Variants in ARHGEF6 observed in about 807,000 individuals in gnomAD.
The protein encoded by ARHGEF6 is Rac/Cdc42 guanine nucleotide exchange factor 6, also known as rho guanine nucleotide exchange factor 6.
A neutral mutation model predicts 70.3 loss-of-function variants in ARHGEF6; 9 were observed. The ratio of observed to expected loss-of-function variants is 0.13; its 90% confidence interval spans 0.08 to 0.22. The LOEUF is 0.22. Among genes scored for constraint, ARHGEF6 ranks in the 10% least tolerant of loss-of-function variants. ARHGEF6 has a pLI of 1.00. For synonymous variants in ARHGEF6, 201 were observed against 207.8 expected, an observed-to-expected ratio of 0.97 and a Z score of 0.28; for missense variants, 470 against 563.0, an observed-to-expected ratio of 0.83 and a Z score of 1.67.
intron 2 of ARHGEF6, 93 bp from the exon 3 acceptor site, chrX:136,747,685 A>T: frequency 7.5e-5 from 16 of 212,904 alleles, no homozygotes; most frequent in East Asian, 4.9e-4. Context: ...AGCTCTCCGG[A>T]AAAAAAAAAA....
At chrX:136,709,546 C>A (rs1034067421) in intron 7 of ARHGEF6, among the ~76,000 whole-genome samples, 8 of 113,039 alleles carry the variant, frequency 7.1e-5, no homozygotes, top group Non-Finnish European at 1.9e-5. Context: ...AGAGGTTAAG[C>A]AAATCATCCA....
chrX:136,769,995 T>C (rs2077352520), intron 2 of ARHGEF6, among the ~76,000 whole-genome samples: 1 of 112,547 alleles, frequency 8.9e-6, no homozygotes, highest in Admixed American at 9.4e-5. Flanking sequence ...ATCCATCAGT[T>C]TAGCAAACAT....
At chrX:136,687,488 T>A (rs977504985) in intron 11 of ARHGEF6, among the ~76,000 whole-genome samples, 9 of 112,064 alleles carry the variant, frequency 8.0e-5, no homozygotes, top group Admixed American at 2.8e-4. Context: ...GTTCTTTAGG[T>A]TTTTTCCCCC....
At chrX:136,684,693 C>T (rs932070370) in intron 12 of ARHGEF6, among the ~76,000 whole-genome samples, 4 of 111,234 alleles carry the variant, frequency 3.6e-5, no homozygotes, top group Admixed American at 2.9e-4. Context: ...TGGGACATCT[C>T]CACCCAGATA....
intron 7 of ARHGEF6, among the ~76,000 whole-genome samples, chrX:136,712,672 T>C (rs1420346495): frequency 8.9e-6 from 1 of 112,606 alleles, no homozygotes; most frequent in Non-Finnish European, 1.9e-5. Flanking sequence ...ACTACTTTTC[T>C]TTCATGAAAA....
chrX:136,722,877 CA>C (rs1193959013), intron 6 of ARHGEF6, among the ~76,000 whole-genome samples: 1 of 111,780 alleles, frequency 8.9e-6, no homozygotes, highest in African/African-American at 3.3e-5. Context: ...TAATAATAAC[CA>C]AAAAGTGGCA....
At chrX:136,713,215 G>T (rs2076704789) in intron 7 of ARHGEF6, 61 bp downstream of exon 7, 1 of 897,541 alleles carries the variant, frequency 1.1e-6, no homozygotes, top group South Asian at 2.0e-5. Context: ...TAAGAATAAT[G>T]ATTCCATATG....
chrX:136,761,906 T>A (rs1311104745), intron 2 of ARHGEF6, among the ~76,000 whole-genome samples: 2 of 110,809 alleles, frequency 1.8e-5, no homozygotes, highest in African/African-American at 6.6e-5. Flanking sequence ...CCCTTCCATT[T>A]TTTTTCTTTT....
chrX:136,682,241 A>G (rs958493385), intron 13 of ARHGEF6, among the ~76,000 whole-genome samples: 2 of 112,117 alleles, frequency 1.8e-5, no homozygotes, highest in East Asian at 2.7e-4. Flanking sequence ...AAGAATCAGT[A>G]AAAAAAAGTG....
chrX:136,744,397 A>T (rs1027753312), intron 4 of ARHGEF6, among the ~76,000 whole-genome samples: 1 of 112,066 alleles, frequency 8.9e-6, no homozygotes, highest in Non-Finnish European at 1.9e-5. Flanking sequence ...TTAATCTGTC[A>T]TGTATAAACT....
intron 5 of ARHGEF6, among the ~76,000 whole-genome samples, chrX:136,733,144 T>A (rs1031799744): frequency 8.2e-5 from 9 of 109,895 alleles, no homozygotes; most frequent in Non-Finnish European, 1.7e-4. Flanking sequence ...AAAAAAACAA[T>A]AAAAATATGA....
At chrX:136,730,895 G>A (rs999352066) in intron 6 of ARHGEF6, among the ~76,000 whole-genome samples, 2 of 111,459 alleles carry the variant, frequency 1.8e-5, no homozygotes, top group African/African-American at 6.5e-5. Context: ...GGCAGAGAGA[G>A]ATCCAAAGCA....
At chrX:136,780,153 T>G (rs890348863) in intron 1 of ARHGEF6, among the ~76,000 whole-genome samples, 1 of 112,146 alleles carries the variant, frequency 8.9e-6, no homozygotes, top group Non-Finnish European at 1.9e-5. Flanking sequence ...TTAAAGAGAG[T>G]AAAGTTAGTT....
At chrX:136,698,246 C>T (rs918495263) in intron 9 of ARHGEF6, among the ~76,000 whole-genome samples, 7 of 110,866 alleles carry the variant, frequency 6.3e-5, no homozygotes, top group East Asian at 5.6e-4. Context: ...TAAAGAAAAA[C>T]GAATACAGCC....
chrX:136,715,743 T>C (rs1263661608), intron 6 of ARHGEF6, among the ~76,000 whole-genome samples: 3 of 110,904 alleles, frequency 2.7e-5, no homozygotes, highest in Non-Finnish European at 3.8e-5. Flanking sequence ...ACTCACACTT[T>C]TGTGAGTTTA....
chrX:136,777,200 G>C (rs58525518), intron 2 of ARHGEF6, among the ~76,000 whole-genome samples: 39,800 of 110,406 alleles, frequency 0.36, 6,243 homozygotes, highest in Non-Finnish European at 0.5. Flanking sequence ...ATTCCAGCTT[G>C]GGCAACAGAG....
At position 136,747,079 on chromosome X, in the gene ARHGEF6, G is replaced by A. The variant is rs770026645; in HGVS notation, c.334+429C>T. Among the ~76,000 whole-genome samples, 146 of 110,938 alleles carry A rather than the reference G, an allele frequency of 1.3e-3. 1 individual carries two copies. The highest frequency in any genetic ancestry group is 1.9e-3 in the Non-Finnish European group (98 of 52,928). On this transcript the variant is annotated intron_variant, in intron 3 of 21. Coordinates refer to ENST00000250617, the MANE Select transcript of ARHGEF6 (RefSeq NM_004840.3). ...CTATGACCCCAAGATTTCATTTTTG[G>A]TGCAAGGCTACTGAGGGGTTCCTTT...
rs768648280 is a variant in ARHGEF6, at chrX:136,677,945, A to G, written c.1842T>C (p.Tyr614=). The G allele has an allele frequency of 7.5e-6, 9 of 1,205,475 alleles. No individual in the cohort carries two copies. The South Asian group carries it at 1.1e-4, about 14-fold the overall frequency. Reference sequence around the variant, plus strand: ...ATTGTACTACCCTTACCTTTAAGATATAAGACATCCTCTAAAATGAATATG... The same window carrying G: ...ATTGTACTACCCTTACCTTTAAGATGTAAGACATCCTCTAAAATGAATATG... The part of the protein sequence containing the change: ...AALGYKERMS[Y]ILKESSKSPK... Residue 614 remains tyrosine (Y), a synonymous_variant, in exon 17 of 22, where the codon TAT becomes TAC. Coordinates refer to ENST00000250617, the MANE Select transcript of ARHGEF6 (RefSeq NM_004840.3).
At position 136,666,198 on chromosome X, in the gene ARHGEF6, T is replaced by C. The variant is rs2076160137; in HGVS notation, c.*1831A>G. 1 of 112,908 alleles carries C rather than the reference T, an allele frequency of 8.9e-6. No individual in the cohort carries two copies. Among genetic ancestry groups the C allele is most frequent in the South Asian group, 3.6e-4 (1 of 2,758 alleles). The allele number at this position is 112,908 out of a possible 1,213,427, so 9.3% of individuals were successfully genotyped here. ...CCAAACACGGCTGTGTGTGGTTGGC[T>C]GATGTTGGACTGCAAAAATAGTCCA... On this transcript the variant is annotated 3_prime_UTR_variant, in exon 22 of 22. Coordinates refer to ENST00000250617, the MANE Select transcript of ARHGEF6 (RefSeq NM_004840.3).
Sources: allele counts gnomAD v4.1 joint callset (sites outside exome capture counted in the v4.1 genomes callset), GRCh38; gene constraint gnomAD v4.1.1; transcripts MANE v1.5; gene names NCBI Gene and HGNC (gene_info 2026-07-23, HGNC 2026-07-21).